NIFK: variants seen among roughly 807,000 people sequenced by gnomAD.
The protein encoded by NIFK is nucleolar protein interacting with the FHA domain of MKI67, also known as MKI67 FHA domain-interacting nucleolar phosphoprotein.
In NIFK, 16 loss-of-function variants were observed where a neutral mutation model predicts 31.7. The observed-to-expected ratio is 0.50, with a 90% CI of 0.34 to 0.77. NIFK has a LOEUF of 0.77. NIFK is among the 30% of genes least tolerant of loss of function. The pLI is 0.01. For missense variants in NIFK, 341 were observed against 350.4 expected (o/e 0.97, Z 0.21); for synonymous variants, 126 against 123.0 (o/e 1.02, Z -0.16).
chr2:121,735,512 A>G, intron 2 of NIFK, 101 bp downstream of exon 2: 1 of 1,266,030 alleles, frequency 7.9e-7, no homozygotes, highest in Non-Finnish European at 1.1e-6. Flanking sequence ...TTTTGGAATG[A>G]AATCTGATAA....
intron 2 of NIFK, 117 bp downstream of exon 2, chr2:121,735,496 T>C (rs761445240): frequency 2.7e-5 from 30 of 1,126,094 alleles, no homozygotes; most frequent in Non-Finnish European, 3.8e-5. Context: ...CCTCCTCCAC[T>C]CTCCTTTTTG....
intron 2 of NIFK, among the ~76,000 whole-genome samples, chr2:121,733,199 T>G (rs998417324): frequency 6.6e-6 from 1 of 151,866 alleles, no homozygotes; most frequent in Non-Finnish European, 1.5e-5. Flanking sequence ...GCCAAAATGG[T>G]GAAACCGTGT....
intron 2 of NIFK, among the ~76,000 whole-genome samples, chr2:121,734,772 C>T (rs2074567779): frequency 6.6e-6 from 1 of 152,012 alleles, no homozygotes; most frequent in East Asian, 1.9e-4. Flanking sequence ...CCAGCCCGGG[C>T]GACAGTGCAA....
chr2:121,731,790 A>T (rs2074542625), intron 3 of NIFK, among the ~76,000 whole-genome samples: 1 of 152,132 alleles, frequency 6.6e-6, no homozygotes, highest in Non-Finnish European at 1.5e-5. Flanking sequence ...TTCAGGTTTC[A>T]ATGTCAACTA....
chr2:121,735,509 A>G (rs150873874), intron 2 of NIFK, 104 bp downstream of exon 2: 2 of 1,242,210 alleles, frequency 1.6e-6, no homozygotes, highest in African/African-American at 3.0e-5. Flanking sequence ...CCTTTTTGGA[A>G]TGAAATCTGA....
chr2:121,728,527 T>A lies in NIFK; in HGVS notation c.574A>T (p.Lys192Ter). 1 of 1,571,916 alleles carries A rather than the reference T, an allele frequency of 6.4e-7. No homozygotes were observed. Among genetic ancestry groups the A allele is most frequent in the Non-Finnish European group, 8.6e-7 (1 of 1,159,150 alleles). ...TTAGTTTTTGAAATACTTTCCGTTT[T>A]CTGTAAAATCTTTAATAAAGAAGTT... is the stretch of plus-strand genomic sequence containing the variant. ...DYDFPSLILQ[K>*]TESISKTNRQ... The change falls in exon 5 of 7, where the codon AAA becomes TAA. Residue 192 changes from lysine (K) to a stop codon, truncating the protein, a stop_gained. Transcript: ENST00000285814. LOFTEE classifies it high-confidence loss of function.
chr2:121,736,398 C>T (rs1467656628), intron 1 of NIFK, among the ~76,000 whole-genome samples: 1 of 152,252 alleles, frequency 6.6e-6, no homozygotes, highest in Non-Finnish European at 1.5e-5. Context: ...AGCTCTAACC[C>T]GGAGATAACC....
chr2:121,735,750 G>A lies in NIFK; in HGVS notation c.106C>T (p.Arg36Ter). The A allele has an allele frequency of 6.2e-7, 1 of 1,610,962 alleles. No homozygotes were observed. The highest frequency in any genetic ancestry group is 8.5e-7 in the Non-Finnish European group (1 of 1,178,854). The change falls in exon 2 of 7, where the codon CGA (arginine) becomes TGA (stop). Residue 36 changes from arginine to a stop codon, truncating the protein, a stop_gained and splice_region_variant. Coordinates refer to ENST00000285814, the MANE Select transcript of NIFK (RefSeq NM_032390.5). LOFTEE classifies it high-confidence loss of function. ...VAQVRKRITQ[R>*]KKQEQLTPGV... ...GGAGTAAGTTGTTCTTGTTTTTTTCGCTAAAGACGTAAAGACCAGGTAAAT... is the reference window on the plus strand; with the variant it reads ...GGAGTAAGTTGTTCTTGTTTTTTTCACTAAAGACGTAAAGACCAGGTAAAT...
Position 121,731,079 on chromosome 2 carries a change from T to C in NIFK, c.378A>G (p.Val126=), listed in dbSNP as rs1187701408. ...LECHFMPPEK[V]HKELFKDWNI... Reference sequence around the variant, plus strand: ...TCCAGTCTTTAAAGAGTTCTTTATGTACTTTTTCAGGTGGCATAAAATGAC... The same window carrying C: ...TCCAGTCTTTAAAGAGTTCTTTATGCACTTTTTCAGGTGGCATAAAATGAC... The change falls in exon 4 of 7, where the codon GTA becomes GTG. Residue 126 remains valine, a synonymous_variant. Coordinates refer to ENST00000285814, the MANE Select transcript of NIFK (RefSeq NM_032390.5). 1.3e-6 allele frequency: 2 copies of C among 1,585,052 alleles called. No homozygotes were observed. Among genetic ancestry groups the C allele is most frequent in the South Asian group, 1.2e-5 (1 of 85,928 alleles).
intron 4 of NIFK, chr2:121,730,672 C>T (rs1443533659): frequency 1.6e-5 from 8 of 507,656 alleles, no homozygotes; most frequent in South Asian, 4.8e-5. Flanking sequence ...GGAGAAACCC[C>T]GTCTCTACTA....
chr2:121,728,481 C>A lies in NIFK; in HGVS notation c.620G>T (p.Gly207Val). 3 of 1,583,390 alleles carry A rather than the reference C, an allele frequency of 1.9e-6. No individual in the cohort carries two copies. The highest frequency in any genetic ancestry group is 2.6e-6 in the Non-Finnish European group (3 of 1,167,694). ...AAATGATAAAAAAAATTTTACCTGG[C>A]CTTTTGTAGACGTCTGACGATTAGT... ...SKTNRQTSTKGQVLRKKKKKV... is the reference protein window; with the variant it reads ...SKTNRQTSTKVQVLRKKKKKV... The change falls in exon 5 of 7, where the codon GGC (glycine) becomes GTC (valine). Residue 207 changes from glycine to valine, a missense_variant. Transcript: ENST00000285814.
Position 121,731,980 on chromosome 2 carries a change from C to G in NIFK, c.352+116G>C, listed in dbSNP as rs112100464. 3.4e-3 allele frequency: 2,283 copies of G among 671,536 alleles called. 12 individuals are homozygous for G. Among genetic ancestry groups the G allele is most frequent in the African/African-American group, 0.016 (897 of 55,578 alleles). 41.6% of individuals were successfully genotyped at this position (671,536 alleles called of 1,614,324 possible). On this transcript the variant is annotated intron_variant, in intron 3 of 6. Coordinates refer to ENST00000285814, the MANE Select transcript of NIFK (RefSeq NM_032390.5). ...GAAATCCTTGCACCATTCTGTAAGA[C>G]TCATCCCAGAGATGAAGTGGCATGT...
At chr2:121,732,241 T>C (rs2074546754) in intron 2 of NIFK, 37 bp from the exon 3 acceptor site, 1 of 1,178,326 alleles carries the variant, frequency 8.5e-7, no homozygotes, top group African/African-American at 1.5e-5. Flanking sequence ...GTAGAACAAT[T>C]AAATTTGAAT....
intron 1 of NIFK, 51 bp downstream of exon 1, chr2:121,736,695 A>C (rs1021283660): frequency 1.1e-5 from 16 of 1,499,116 alleles, no homozygotes; most frequent in Non-Finnish European, 1.5e-5. Flanking sequence ...GATACCCTCT[A>C]GACCCGGTCC....
At chr2:121,732,322 G>A (rs2074547306) in intron 2 of NIFK, 118 bp from the exon 3 acceptor site, 6 of 633,946 alleles carry the variant, frequency 9.5e-6, no homozygotes, top group South Asian at 5.8e-5. Flanking sequence ...TATTACGTAC[G>A]ACACGCTTAA....
intron 2 of NIFK, 70 bp downstream of exon 2, chr2:121,735,543 G>C (rs1044895475): frequency 2.0e-6 from 3 of 1,475,506 alleles, no homozygotes; most frequent in Non-Finnish European, 2.8e-6. Context: ...ATGCGTGAAC[G>C]TGCTCTTTAA....
rs1212944105 is a variant in NIFK, at chr2:121,727,832, AT to A, written c.773del (p.Asp258ValfsTer4). 6.2e-7 allele frequency: 1 copy of A among 1,612,798 alleles called. No homozygotes were observed. The highest frequency in any genetic ancestry group is 1.3e-5 in the African/African-American group (1 of 74,966). Reference sequence around the variant, plus strand: ...TGGGCTGTTTGAAAACTATTTCATCATCTTTATCATCATCATTCAGTTCAGC... The same window carrying A: ...TGGGCTGTTTGAAAACTATTTCATCACTTTATCATCATCATTCAGTTCAGC... ...QVAELNDDDK[D>X]DEIVFKQPIS... On this transcript the variant is annotated frameshift_variant, in exon 7 of 7. Coordinates refer to ENST00000285814, the MANE Select transcript of NIFK (RefSeq NM_032390.5). LOFTEE classifies it low-confidence loss of function (END_TRUNC).
rs775902210 is a variant in NIFK at position 121,735,647 on chromosome 2, G to A, written c.209C>T (p.Thr70Ile). ...QIFSYFSQFG[T>I]VTRFRLSRSK... Reference sequence around the variant, plus strand: ...TCTGGACAGCCTGAACCGTGTCACAGTGCCAAACTGGGAGAAATATGAAAA... The same window carrying A: ...TCTGGACAGCCTGAACCGTGTCACAATGCCAAACTGGGAGAAATATGAAAA... The change falls in exon 2 of 7, where the codon ACT (threonine) becomes ATT (isoleucine). Residue 70 changes from threonine (T) to isoleucine (I), a missense_variant. Transcript: ENST00000285814. The A allele has an allele frequency of 6.2e-7, 1 of 1,612,330 alleles. No individual in the cohort carries two copies. Among genetic ancestry groups the A allele is most frequent in the South Asian group, 1.1e-5 (1 of 91,006 alleles).
chr2:121,734,371 T>C (rs760348260), intron 2 of NIFK, among the ~76,000 whole-genome samples: 8 of 152,098 alleles, frequency 5.3e-5, no homozygotes, highest in Non-Finnish European at 1.0e-4. Flanking sequence ...GATTATTGAA[T>C]ACAAAAATTC....
Sources: gnomAD v4.1 joint callset for allele counts (sites outside exome capture counted in the v4.1 genomes callset) on GRCh38, gnomAD v4.1.1 for gene constraint, MANE v1.5 for transcripts, NCBI Gene and HGNC (gene_info 2026-07-23, HGNC 2026-07-21) for gene names.